The following PRKAG1 variants were observed in gnomAD, a reference collection of about 807,000 sequenced individuals.
PRKAG1 encodes 5'-AMP-activated protein kinase subunit gamma-1.
A neutral mutation model predicts 48.2 loss-of-function variants in PRKAG1; 27 were observed. The ratio of observed to expected loss-of-function variants is 0.56; its 90% CI spans 0.41 to 0.77. PRKAG1 has a LOEUF of 0.77. PRKAG1 is among the 30% of genes least tolerant of loss of function. PRKAG1 has a pLI of 0.00. For synonymous variants in PRKAG1, 130 were observed against 147.7 expected, an observed-to-expected ratio of 0.88 and a Z score of 0.87; for missense variants, 287 against 398.3, an observed-to-expected ratio of 0.72 and a Z score of 2.38.
intron 1 of PRKAG1, chr12:49,016,686 T>A (rs1286444722): frequency 6.5e-6 from 1 of 154,580 alleles, no homozygotes; most frequent in African/African-American, 2.4e-5. Flanking sequence ...TTCACCAAGT[T>A]TGTTCACCAA....
intron 1 of PRKAG1, chr12:49,016,864 T>C (rs939787614): frequency 7.3e-6 from 2 of 274,472 alleles, no homozygotes; most frequent in African/African-American, 4.6e-5. Context: ...AGTTCAAATT[T>C]AGCATGGTGT....
At position 49,003,495 on chromosome 12, in the gene PRKAG1, C is replaced by T. The variant is rs1941380062; in HGVS notation, c.741+63G>A. On this transcript the variant is annotated intron_variant, in intron 10 of 11. Transcript: ENST00000548065. The stretch of plus-strand genomic sequence containing the variant: ...CAGAAGAGACTCCCTTCTCCCTCTC[C>T]ATATTTAACAGTGCCCCCCCCCCAC... 4 of 1,584,756 alleles carry T rather than the reference C, an allele frequency of 2.5e-6. No homozygotes were observed. The East Asian group carries it at 6.7e-5, about 27-fold the overall frequency.
At position 49,005,802 on chromosome 12, in the gene PRKAG1, G is replaced by C. The variant is rs754101147; in HGVS notation, c.109C>G (p.Arg37Gly). 6.2e-7 allele frequency: 1 copy of C among 1,613,830 alleles called. No individual in the cohort carries two copies. ...SVYTSFMKSH[R>G]CYDLIPTSSK... ...CTTGTGGGAATCAGGTCATAGCAGC[G>C]ATGAGACTTCATGAAGGAAGTATAC... The change falls in exon 3 of 12, where the codon CGC becomes GGC. Residue 37 changes from arginine to glycine, a missense_variant. Transcript: ENST00000548065. The surrounding 1 kb of genome is among the most constrained non-coding windows in gnomAD (Gnocchi z 4.1).
chr12:49,018,702 C>T, intron 1 of PRKAG1, 30 bp downstream of exon 1: 1 of 1,613,494 alleles, frequency 6.2e-7, no homozygotes, highest in Middle Eastern at 1.8e-4. Context: ...GGCTCCACAG[C>T]GCCCCCGACC....
intron 2 of PRKAG1, among the ~76,000 whole-genome samples, chr12:49,006,933 C>T (rs1483602134): frequency 6.6e-6 from 1 of 150,824 alleles, no homozygotes; most frequent in African/African-American, 2.4e-5. Context: ...CGCAACATTG[C>T]ACTCCAGCCT....
At chr12:49,015,872 G>A in intron 1 of PRKAG1, among the ~76,000 whole-genome samples, 1 of 151,856 alleles carries the variant, frequency 6.6e-6, no homozygotes, top group East Asian at 1.9e-4. Context: ...CACCGAGCCT[G>A]GCCGTGACTT....
chr12:49,017,432 G>C (rs1183718644), intron 1 of PRKAG1: 1 of 334,376 alleles, frequency 3.0e-6, no homozygotes, highest in Admixed American at 4.4e-5. Context: ...GGCTGATGCT[G>C]AACTCCTGAG....
At chr12:49,009,543 C>T (rs773629022) in intron 2 of PRKAG1, among the ~76,000 whole-genome samples, 3 of 151,936 alleles carry the variant, frequency 2.0e-5, no homozygotes, top group African/African-American at 4.8e-5. Context: ...TTTTTGTTTT[C>T]TGAAAATTCC....
chr12:49,011,841 C>T (rs1435398908), intron 2 of PRKAG1, among the ~76,000 whole-genome samples: 4 of 146,648 alleles, frequency 2.7e-5, no homozygotes, highest in Non-Finnish European at 4.5e-5. Context: ...GGATTACAGG[C>T]GTGAGCCACC....
At chr12:49,006,797 C>T (rs1941554835) in intron 2 of PRKAG1, among the ~76,000 whole-genome samples, 2 of 151,576 alleles carry the variant, frequency 1.3e-5, no homozygotes, top group East Asian at 1.9e-4. Context: ...TGGATAAACC[C>T]TGTCTCTATT....
rs200059936 is a variant in PRKAG1, at chr12:49,018,767, T to C, written c.-27A>G. 1.2e-6 allele frequency: 2 copies of C among 1,612,328 alleles called. No homozygotes were observed. The highest frequency in any genetic ancestry group is 1.7e-6 in the Non-Finnish European group (2 of 1,179,906). On this transcript the variant is annotated 5_prime_UTR_variant, in exon 1 of 12. Transcript: ENST00000548065. ...GCAAGAGGCGCCCGGCTTGGTTTCC[T>C]CGCTTTAGGAAACTCTCTTGGGGCA...
At chr12:49,013,243 CT>C (rs111248062) in intron 1 of PRKAG1, 133 bp from the exon 2 acceptor site, 9,231 of 617,182 alleles carry the variant, frequency 0.015, no homozygotes, top group East Asian at 0.02. Context: ...CCGCCAAACC[CT>C]TTTTTTTTTG....
At chr12:49,013,006 T>G in intron 2 of PRKAG1, 56 bp downstream of exon 2, 3 of 1,490,586 alleles carry the variant, frequency 2.0e-6, no homozygotes, top group Non-Finnish European at 2.8e-6. Flanking sequence ...GTTGAAGACA[T>G]TGTTAGGGTC....
intron 7 of PRKAG1, 131 bp from the exon 8 acceptor site, chr12:49,004,764 A>G: frequency 7.0e-7 from 1 of 1,419,576 alleles, no homozygotes; most frequent in Admixed American, 1.8e-5. Context: ...GGCCAGACTT[A>G]AAGAGAAAGA....
intron 2 of PRKAG1, among the ~76,000 whole-genome samples, chr12:49,009,760 A>T (rs1862037537): frequency 6.6e-6 from 1 of 152,002 alleles, no homozygotes; most frequent in African/African-American, 2.4e-5. Context: ...TTACAGGTAC[A>T]TGCCACCATG....
intron 8 of PRKAG1, 67 bp from the exon 9 acceptor site, chr12:49,003,989 C>G: frequency 6.6e-7 from 1 of 1,525,148 alleles, no homozygotes; most frequent in Non-Finnish European, 8.8e-7. Context: ...CCCCTCCAAC[C>G]CAGTATATTA....
chr12:49,004,713 A>C (rs1941447702), intron 7 of PRKAG1, 80 bp from the exon 8 acceptor site: 4 of 1,583,616 alleles, frequency 2.5e-6, no homozygotes, highest in Non-Finnish European at 3.5e-6. Context: ...TGTATTGCTC[A>C]ACAGGGAAAA....
chr12:49,004,690 C>G, intron 7 of PRKAG1, 57 bp from the exon 8 acceptor site: 6 of 1,609,388 alleles, frequency 3.7e-6, no homozygotes, highest in Admixed American at 3.3e-5. Flanking sequence ...GGTGATTAAA[C>G]AGGTCCATAC....
intron 2 of PRKAG1, among the ~76,000 whole-genome samples, chr12:49,011,657 C>T (rs1315372737): frequency 1.3e-5 from 2 of 150,500 alleles, no homozygotes; most frequent in Admixed American, 6.6e-5. Context: ...CAGGTTCAAG[C>T]GATTCTGTGA....
Sources: gnomAD v4.1 joint callset for allele counts (sites outside exome capture counted in the v4.1 genomes callset) on GRCh38, gnomAD v4.1.1 for gene constraint, Gnocchi (gnomAD v3.1) non-coding constraint, MANE v1.5 for transcripts, NCBI Gene and HGNC (gene_info 2026-07-23, HGNC 2026-07-21) for gene names.